CCDC171: variants seen among roughly 807,000 people sequenced by gnomAD.
The protein encoded by CCDC171 is coiled-coil domain containing 171.
A neutral mutation model predicts 168.2 loss-of-function variants in CCDC171; 177 were observed. The observed-to-expected ratio is 1.05, with a 90% CI of 0.93 to 1.19. The LOEUF (loss-of-function observed/expected upper bound fraction) is 1.19, where lower values mean the gene tolerates loss of function less well. Among genes scored for constraint, CCDC171 ranks in the 50% most tolerant of loss-of-function variants. CCDC171 has a pLI of 0.00. For missense variants in CCDC171, 1,991 were observed against 1,539.0 expected, an observed-to-expected ratio of 1.29 and a Z score of -4.91; for synonymous variants, 687 against 540.8, an observed-to-expected ratio of 1.27 and a Z score of -3.75.
intron 16 of CCDC171, among the ~76,000 whole-genome samples, chr9:15,740,506 G>A (rs1389856167): frequency 6.6e-6 from 1 of 151,840 alleles, no homozygotes; most frequent in Non-Finnish European, 1.5e-5. Flanking sequence ...GTGATCTTGG[G>A]TTGCTGCAAC....
intron 4 of CCDC171, 97 bp downstream of exon 4, chr9:15,579,120 A>G: frequency 1.1e-6 from 1 of 934,676 alleles, no homozygotes; most frequent in South Asian, 2.0e-5. Flanking sequence ...GGTCAGAGGT[A>G]AGATTCTGAT....
In CCDC171 at chr9:15,784,670, C is replaced by T. The variant is rs913477600; in HGVS notation, c.3243C>T (p.Asn1081=). The T allele has an allele frequency of 1.9e-6, 3 of 1,612,334 alleles. No individual in the cohort carries two copies. Among genetic ancestry groups the T allele is most frequent in the Non-Finnish European group, 2.5e-6 (3 of 1,179,070 alleles). Residue 1081 remains asparagine, a synonymous_variant, in exon 21 of 26, where the codon AAC becomes AAT. Transcript: ENST00000380701. ...ACTCCAGTGAGGAAGCTGACAAAAA[C>T]CAAACTCTTGGAGAAGCTGTTAAGG... ...ELHSSEEADK[N]QTLGEAVKSL... is the part of the protein sequence containing the mutation.
intron 20 of CCDC171, among the ~76,000 whole-genome samples, chr9:15,782,140 C>T (rs372292007): frequency 1.2e-4 from 18 of 152,260 alleles, no homozygotes; most frequent in Middle Eastern, 3.4e-3. Context: ...ATTTGTCTCT[C>T]GCTCATTTCA....
At chr9:15,678,681 C>T in intron 9 of CCDC171, 77 bp from the exon 10 acceptor site, 1 of 1,189,252 alleles carries the variant, frequency 8.4e-7, no homozygotes, top group South Asian at 1.7e-5. Flanking sequence ...GTACATCTGC[C>T]ATATGTATTA....
chr9:15,578,004 A>T (rs946410289), intron 3 of CCDC171, among the ~76,000 whole-genome samples: 1 of 152,188 alleles, frequency 6.6e-6, no homozygotes, highest in African/African-American at 2.4e-5. Flanking sequence ...CAAATTCGAT[A>T]TTCGTTCATT....
chr9:15,943,837 T>C lies in CCDC171; in HGVS notation c.3753+23415T>C, dbSNP rs550402053. On this transcript the variant is annotated intron_variant, in intron 25 of 25. Transcript: ENST00000380701. The stretch of plus-strand genomic sequence containing the variant: ...GTCAGGATAGACTCCTGTAGTGCAA[T>C]AAGGTGATAAATGCTCATGGGGTTT... 4.1e-4 allele frequency among the ~76,000 whole-genome samples: 62 copies of C among 152,062 alleles called. 2 individuals carry two copies. In the South Asian group the frequency reaches 0.012, roughly 29 times the overall value.
intron 6 of CCDC171, among the ~76,000 whole-genome samples, chr9:16,031,426 A>T (rs962942324): frequency 6.6e-6 from 1 of 152,214 alleles, no homozygotes; most frequent in Admixed American, 6.5e-5. Context: ...ATATATACCA[A>T]CCAGCAGATA....
intron 11 of CCDC171, among the ~76,000 whole-genome samples, chr9:15,714,704 C>T (rs867898872): frequency 2.6e-5 from 4 of 152,122 alleles, no homozygotes; most frequent in Admixed American, 6.6e-5. Flanking sequence ...AGAGACCCAT[C>T]GTCTTTATTC....
chr9:15,657,568 A>G (rs751761781), intron 8 of CCDC171, among the ~76,000 whole-genome samples: 25 of 152,110 alleles, frequency 1.6e-4, no homozygotes, highest in African/African-American at 2.7e-4. Flanking sequence ...CGGCTGTGGG[A>G]TGGATTTCTT....
chr9:15,555,316 T>C (rs571389542), intron 1 of CCDC171, among the ~76,000 whole-genome samples: 4 of 152,230 alleles, frequency 2.6e-5, no homozygotes, highest in Non-Finnish European at 5.9e-5. Flanking sequence ...AAAAGCTAAT[T>C]TGAACCTTGC....
At chr9:15,560,563 C>T (rs201515746) in intron 1 of CCDC171, among the ~76,000 whole-genome samples, 2 of 152,082 alleles carry the variant, frequency 1.3e-5, no homozygotes, top group African/African-American at 2.4e-5. Context: ...CTCTTGCCAT[C>T]GTTTTCAGCT....
intron 9 of CCDC171, among the ~76,000 whole-genome samples, chr9:15,676,656 C>G (rs2049592578): frequency 6.6e-6 from 1 of 151,884 alleles, no homozygotes; most frequent in African/African-American, 2.4e-5. Context: ...AATCTTGTGC[C>G]TTATTCTTTA....
At chr9:15,612,560 G>C (rs1211615400) in intron 6 of CCDC171, among the ~76,000 whole-genome samples, 1 of 151,994 alleles carries the variant, frequency 6.6e-6, no homozygotes, top group Non-Finnish European at 1.5e-5. Context: ...TTGAATTCTG[G>C]TTTTACCAAA....
chr9:15,724,796 T>G lies in CCDC171; in HGVS notation c.1512T>G (p.Ala504=). ...KNIKELQDKL[A]DVNKELSHLH... Reference sequence around the variant, plus strand: ...GACAGGAACTTCAGGATAAACTGGCTGATGTTAATAAAGAGTTAAGTCATT... The same window carrying G: ...GACAGGAACTTCAGGATAAACTGGCGGATGTTAATAAAGAGTTAAGTCATT... The change falls in exon 14 of 26, where the codon GCT becomes GCG. Residue 504 remains alanine, a synonymous_variant. Coordinates refer to ENST00000380701, the MANE Select transcript of CCDC171 (RefSeq NM_173550.4). 6.2e-7 allele frequency: 1 copy of G among 1,613,440 alleles called. No individual in the cohort carries two copies. Among genetic ancestry groups the G allele is most frequent in the Non-Finnish European group, 8.5e-7 (1 of 1,179,508 alleles).
chr9:15,686,928 C>T (rs535402871), intron 10 of CCDC171, among the ~76,000 whole-genome samples: 2 of 152,246 alleles, frequency 1.3e-5, no homozygotes, highest in South Asian at 2.1e-4. Flanking sequence ...ATCTATAGAA[C>T]ACCACACCCA....
At position 15,677,765 on chromosome 9, in the gene CCDC171, A is replaced by ATGTG. The variant is rs528839652; in HGVS notation, c.1077-979_1077-976dup. On this transcript the variant is annotated intron_variant, in intron 9 of 25. Coordinates refer to ENST00000380701, the MANE Select transcript of CCDC171 (RefSeq NM_173550.4). ...ATGTGGTGTGTATTTATATACCTAT[A>ATGTG]TGTGTGTGTGTGTGTGTATATATAC... Among the ~76,000 whole-genome samples the ATGTG allele has an allele frequency of 7.0e-5, 10 of 142,800 alleles. No individual in the cohort carries two copies. The South Asian group carries it at 1.4e-3, about 19-fold the overall frequency. The allele number at this position is 142,800 out of a possible 152,430, so 93.7% of individuals were successfully genotyped here. A position where few individuals can be genotyped will look rare whatever the true frequency, so the allele number is the denominator to read the frequency against.
At chr9:15,705,677 C>CT (rs1346563009) in intron 11 of CCDC171, among the ~76,000 whole-genome samples, 2 of 152,164 alleles carry the variant, frequency 1.3e-5, no homozygotes, top group African/African-American at 4.8e-5. Context: ...GCATGCTCTA[C>CT]TTTTTTCCCC....
intron 16 of CCDC171, among the ~76,000 whole-genome samples, chr9:15,735,050 T>C (rs760364087): frequency 6.7e-4 from 102 of 152,166 alleles, no homozygotes; most frequent in Non-Finnish European, 1.3e-3. Context: ...TCTGAAAAAA[T>C]GTAGTAGATG....
At position 15,980,586 on chromosome 9, in the gene CCDC171, T is replaced by A. The variant is rs533399954; in HGVS notation, n.369-40003T>A. Among the ~76,000 whole-genome samples the A allele has an allele frequency of 3.3e-5, 5 of 152,280 alleles. No individual in the cohort carries two copies. In the South Asian group the frequency reaches 1.0e-3, roughly 32 times the overall value. On this transcript the variant is annotated intron_variant and non_coding_transcript_variant, in intron 3 of 9. Transcript: ENST00000486641. Reference sequence around the variant, plus strand: ...TAATTGATTTCTTAAAAGCCATCTTTCATAGCCCCAAACCATCTGTACAGA... The same window carrying A: ...TAATTGATTTCTTAAAAGCCATCTTACATAGCCCCAAACCATCTGTACAGA...
Sources: allele counts gnomAD v4.1 joint callset (sites outside exome capture counted in the v4.1 genomes callset), GRCh38; gene constraint gnomAD v4.1.1; transcripts MANE v1.5; gene names NCBI Gene and HGNC (gene_info 2026-07-23, HGNC 2026-07-21).